Variants in SLC24A3 observed in about 807,000 individuals in gnomAD.
SLC24A3 encodes solute carrier family 24 member 3.
Under a neutral mutation model 75.8 loss-of-function variants are expected in SLC24A3, and 28 were observed. That is an observed-to-expected ratio of 0.37 (90% confidence interval 0.27 to 0.51). The LOEUF is 0.51. Ranked by LOEUF, SLC24A3 falls within the 20% of genes least tolerant of loss-of-function variation. The probability of loss-of-function intolerance (pLI) is 0.94; values close to 1 mark genes in which losing one functional copy is unlikely to be tolerated. For missense variants in SLC24A3, 663 were observed against 847.8 expected (o/e 0.78, Z 2.71); for synonymous variants, 372 against 334.1 (o/e 1.11, Z -1.24).
intron 1 of SLC24A3, among the ~76,000 whole-genome samples, chr20:19,252,785 G>T (rs1461085665): frequency 6.6e-6 from 1 of 152,136 alleles, no homozygotes; most frequent in Non-Finnish European, 1.5e-5. Context: ...CAACTCCCAT[G>T]ATATAAACTT....
intron 15 of SLC24A3, among the ~76,000 whole-genome samples, chr20:19,703,280 A>G (rs1424664568): frequency 6.6e-6 from 1 of 151,982 alleles, no homozygotes. Context: ...ACTGCACATA[A>G]TCTCTTTCCA....
intron 16 of SLC24A3, 39 bp from the exon 17 acceptor site, chr20:19,720,952 T>C: frequency 6.2e-7 from 1 of 1,609,108 alleles, no homozygotes; most frequent in Non-Finnish European, 8.5e-7. Flanking sequence ...GGCTGCTGCC[T>C]CCTCCTGGTG....
intron 1 of SLC24A3, among the ~76,000 whole-genome samples, chr20:19,253,196 C>T (rs1228244309): frequency 6.6e-6 from 1 of 152,186 alleles, no homozygotes; most frequent in Non-Finnish European, 1.5e-5. Flanking sequence ...GACTCACATT[C>T]TCTAGGGGTT....
At chr20:19,648,433 T>C (rs1408300302) in intron 6 of SLC24A3, among the ~76,000 whole-genome samples, 2 of 152,058 alleles carry the variant, frequency 1.3e-5, no homozygotes, top group African/African-American at 4.8e-5. Flanking sequence ...ACTATTATGT[T>C]GTTTTGTTTG....
At chr20:19,582,852 G>T (rs988623844) in intron 4 of SLC24A3, among the ~76,000 whole-genome samples, 9 of 152,224 alleles carry the variant, frequency 5.9e-5, no homozygotes, top group Non-Finnish European at 1.2e-4. Flanking sequence ...CAAGGACCAT[G>T]AGGTGGCAGG....
intron 2 of SLC24A3, among the ~76,000 whole-genome samples, chr20:19,432,020 CA>C (rs1600478762): frequency 6.6e-6 from 1 of 152,036 alleles, no homozygotes; most frequent in East Asian, 1.9e-4. Flanking sequence ...TTGAGTGACT[CA>C]GGGGGAAGAT....
intron 2 of SLC24A3, among the ~76,000 whole-genome samples, chr20:19,394,459 C>T (rs189654545): frequency 1.3e-5 from 2 of 152,224 alleles, no homozygotes; most frequent in East Asian, 3.9e-4. Flanking sequence ...AATTATATAT[C>T]TGATCATAAG....
chr20:19,686,706 C>G, intron 12 of SLC24A3, among the ~76,000 whole-genome samples: 1 of 152,170 alleles, frequency 6.6e-6, no homozygotes, highest in Non-Finnish European at 1.5e-5. Context: ...GTCCAGAGGA[C>G]AGCAAGTAAA....
At chr20:19,575,731 A>T (rs533093539) in intron 3 of SLC24A3, among the ~76,000 whole-genome samples, 1 of 152,364 alleles carries the variant, frequency 6.6e-6, no homozygotes, top group African/African-American at 2.4e-5. Context: ...GGCCAGCCCA[A>T]GCATTTTCAG....
At position 19,626,361 on chromosome 20, in the gene SLC24A3, C is replaced by G. The variant is rs151276984; in HGVS notation, c.613-27701C>G. Among the ~76,000 whole-genome samples the G allele has an allele frequency of 3.8e-3, 576 of 152,186 alleles. 1 individual carries two copies. Among genetic ancestry groups the G allele is most frequent in the African/African-American group, 0.013 (542 of 41,522 alleles). On this transcript the variant is annotated intron_variant, in intron 6 of 16. Coordinates refer to ENST00000328041, the MANE Select transcript of SLC24A3 (RefSeq NM_020689.4). ...ACCAAGAATATTCTTATCATTTTTC[C>G]TGATGATGAAACTGTGATGTAAGTT...
intron 6 of SLC24A3, among the ~76,000 whole-genome samples, chr20:19,602,922 G>T (rs1414959374): frequency 6.6e-6 from 1 of 152,188 alleles, no homozygotes; most frequent in Admixed American, 6.5e-5. Context: ...CCAGCTGAGG[G>T]GGGCTCATCA....
chr20:19,683,207 C>T (rs1490342636), intron 10 of SLC24A3, among the ~76,000 whole-genome samples: 1 of 152,168 alleles, frequency 6.6e-6, no homozygotes, highest in East Asian at 1.9e-4. Context: ...TACCATTTCA[C>T]ATGAGGATTT....
At chr20:19,649,560 T>C (rs1185304444) in intron 6 of SLC24A3, among the ~76,000 whole-genome samples, 2 of 152,250 alleles carry the variant, frequency 1.3e-5, no homozygotes, top group Non-Finnish European at 2.9e-5. Context: ...AGCAGTTAAT[T>C]TTAAAATGTA....
chr20:19,244,327 T>C (rs949277678), intron 1 of SLC24A3: 3 of 152,172 alleles, frequency 2.0e-5, no homozygotes, highest in Non-Finnish European at 2.9e-5. Flanking sequence ...ACTCACACTG[T>C]TAAGCAACTA....
In SLC24A3 at chr20:19,281,004, T is replaced by A; in HGVS notation, c.188T>A (p.Met63Lys). Residue 63 changes from methionine (M) to lysine (K), a missense_variant, in exon 2 of 17, where the codon ATG becomes AAG. Coordinates refer to ENST00000328041, the MANE Select transcript of SLC24A3 (RefSeq NM_020689.4). The part of the protein sequence containing the change: ...DLVGEDRKWM[M>K]ARKLMQVNDT... ...GTAGGGGAAGACAGAAAGTGGATGATGGCGAGGAAGCTGATGCAGGTGAAC... is the reference window on the plus strand; with the variant it reads ...GTAGGGGAAGACAGAAAGTGGATGAAGGCGAGGAAGCTGATGCAGGTGAAC... 6.2e-7 allele frequency: 1 copy of A among 1,614,076 alleles called. No individual in the cohort carries two copies. The highest frequency in any genetic ancestry group is 8.5e-7 in the Non-Finnish European group (1 of 1,179,990).
In SLC24A3 at chr20:19,640,073, G is replaced by T. The variant is rs549187109; in HGVS notation, c.613-13989G>T. The stretch of plus-strand genomic sequence containing the variant: ...GCTGGGGCCTTGATCAGCCCAGAAA[G>T]GGGCTCCCACAGTGCAGAGGTGGGC... On this transcript the variant is annotated intron_variant, in intron 6 of 16. Transcript: ENST00000328041. Among the ~76,000 whole-genome samples the T allele has an allele frequency of 3.3e-5, 5 of 152,356 alleles. No individual in the cohort carries two copies. The East Asian group carries it at 9.7e-4, about 30-fold the overall frequency.
At chr20:19,604,372 T>C (rs147214384) in intron 6 of SLC24A3, among the ~76,000 whole-genome samples, 1,667 of 151,630 alleles carry the variant, frequency 0.011, 13 homozygotes, top group South Asian at 0.026. Flanking sequence ...CCAGGAAGAG[T>C]GAACTCCCAC....
chr20:19,696,685 C>A, intron 13 of SLC24A3, 112 bp from the exon 14 acceptor site: 1 of 698,826 alleles, frequency 1.4e-6, no homozygotes, highest in Non-Finnish European at 2.6e-6. Flanking sequence ...AGACATTGCA[C>A]CCCACAGAGA....
At chr20:19,402,446 C>T (rs1986568228) in intron 2 of SLC24A3, among the ~76,000 whole-genome samples, 3 of 152,146 alleles carry the variant, frequency 2.0e-5, no homozygotes, top group African/African-American at 4.8e-5. Context: ...GAGAAACCAA[C>T]CAAGGCCTCA....
Sources: gnomAD v4.1 joint callset for allele counts (sites outside exome capture counted in the v4.1 genomes callset) on GRCh38, gnomAD v4.1.1 for gene constraint, MANE v1.5 for transcripts, NCBI Gene and HGNC (gene_info 2026-07-23, HGNC 2026-07-21) for gene names.